Variants in INPP5F observed in about 807,000 individuals in gnomAD.
INPP5F encodes the protein phosphatidylinositide 4-phosphatase SAC2.
Under a neutral mutation model 137.2 loss-of-function variants are expected in INPP5F, and 97 were observed. That is an observed-to-expected ratio of 0.71 (90% confidence interval 0.60 to 0.84). The LOEUF (loss-of-function observed/expected upper bound fraction) is 0.84. INPP5F is among the 40% of genes least tolerant of loss of function. The pLI is 0.00. For missense variants in INPP5F, 1,271 were observed against 1,371.9 expected, an observed-to-expected ratio of 0.93 and a Z score of 1.16; for synonymous variants, 504 against 476.9, an observed-to-expected ratio of 1.06 and a Z score of -0.74.
chr10:119,804,473 T>C (rs1480223542), intron 10 of INPP5F, among the ~76,000 whole-genome samples, 176 bp downstream of exon 10: 3 of 152,236 alleles, frequency 2.0e-5, no homozygotes, highest in African/African-American at 7.2e-5. Context: ...TTATTTTGGC[T>C]AAAATTTAGA....
intron 2 of INPP5F, among the ~76,000 whole-genome samples, chr10:119,761,184 A>G (rs1470986830): frequency 5.3e-5 from 8 of 152,192 alleles, no homozygotes; most frequent in Non-Finnish European, 1.2e-4. Context: ...AGCAGAATAT[A>G]CTTCTAATTG....
At chr10:119,764,650 C>T (rs61227157) in intron 2 of INPP5F, among the ~76,000 whole-genome samples, 1,565 of 150,820 alleles carry the variant, frequency 0.01, 32 homozygotes, top group African/African-American at 0.037. Context: ...GGTGCGACCT[C>T]GGCTCACTGC....
intron 15 of INPP5F, 99 bp from the exon 16 acceptor site, chr10:119,820,747 C>A: frequency 1.1e-6 from 1 of 874,166 alleles, no homozygotes; most frequent in Non-Finnish European, 1.9e-6. Context: ...CTCCCCCTGG[C>A]CAATTTTTTG....
Position 119,827,105 on chromosome 10 carries a change from TAGC to T in INPP5F, c.2729_2731del (p.Ser910del), listed in dbSNP as rs1247968713. The T allele has an allele frequency of 1.2e-5, 20 of 1,614,088 alleles. No individual in the cohort carries two copies. In the Admixed American group the frequency reaches 1.5e-4, roughly 12 times the overall value. ...GATTGGGCAGTCGGTCCCAGTCTCTTAGCAGCACAGATAGTAGCGTTCATGCTC... is the reference window on the plus strand; with the variant it reads ...GATTGGGCAGTCGGTCCCAGTCTCTTAGCACAGATAGTAGCGTTCATGCTC... On this transcript the variant is annotated inframe_deletion, in exon 20 of 20. Coordinates refer to ENST00000650623, the MANE Select transcript of INPP5F (RefSeq NM_014937.4).
At chr10:119,822,350 T>G (rs1001966348) in intron 16 of INPP5F, 81 bp from the exon 17 acceptor site, 1 of 647,504 alleles carries the variant, frequency 1.5e-6, no homozygotes, top group Non-Finnish European at 2.7e-6. Flanking sequence ...ATGTAACAGT[T>G]TGCAGCTATT....
At chr10:119,810,657 A>C (rs1459849341) in intron 14 of INPP5F, among the ~76,000 whole-genome samples, 1 of 152,214 alleles carries the variant, frequency 6.6e-6, no homozygotes, top group African/African-American at 2.4e-5. Flanking sequence ...AGCATGGTTT[A>C]TCAGAATATT....
At chr10:119,826,529 A>G (rs1334773234) in intron 19 of INPP5F, 102 bp from the exon 20 acceptor site, 1 of 924,154 alleles carries the variant, frequency 1.1e-6, no homozygotes, top group Non-Finnish European at 1.7e-6. Context: ...GTTTTCAAGA[A>G]GTTGGGACCA....
chr10:119,785,425 A>AC (rs1849861524), intron 3 of INPP5F, among the ~76,000 whole-genome samples: 1 of 151,650 alleles, frequency 6.6e-6, no homozygotes, highest in South Asian at 2.1e-4. Context: ...AGCTGGGACT[A>AC]CAGGTGCATG....
intron 12 of INPP5F, among the ~76,000 whole-genome samples, chr10:119,807,578 T>G (rs965592097): frequency 6.6e-6 from 1 of 152,222 alleles, no homozygotes; most frequent in East Asian, 1.9e-4. Context: ...GAGTTAACAT[T>G]TACTAGGCAC....
At chr10:119,779,594 A>G (rs1342477246) in intron 2 of INPP5F, among the ~76,000 whole-genome samples, 1 of 151,528 alleles carries the variant, frequency 6.6e-6, no homozygotes, top group Non-Finnish European at 1.5e-5. Context: ...TAATTCTTTA[A>G]TTTTTTGTAG....
intron 6 of INPP5F, among the ~76,000 whole-genome samples, chr10:119,794,603 A>C (rs1487596802): frequency 1.4e-5 from 2 of 146,162 alleles, no homozygotes; most frequent in Non-Finnish European, 1.5e-5. Flanking sequence ...CGGCCGGGCA[A>C]AGGCGCCCCT....
At chr10:119,804,830 G>T (rs1171533601) in intron 10 of INPP5F, among the ~76,000 whole-genome samples, 5 of 151,948 alleles carry the variant, frequency 3.3e-5, no homozygotes, top group African/African-American at 1.2e-4. Flanking sequence ...GGCTTCAAGG[G>T]ATTCTCCTGC....
At position 119,826,874 on chromosome 10, in the gene INPP5F, T is replaced by C. The variant is rs1427256846; in HGVS notation, c.2493T>C (p.Leu831=). ...KVNLWKSDSS[L]ETMENTGVMD... ...ATCTTTGGAAATCAGATAGTAGTCT[T>C]GAAACTATGGAAAACACAGGAGTGA... The change falls in exon 20 of 20, where the codon CTT becomes CTC. Residue 831 remains leucine, a synonymous_variant. Coordinates refer to ENST00000650623, the MANE Select transcript of INPP5F (RefSeq NM_014937.4). 1 of 1,614,092 alleles carries C rather than the reference T, an allele frequency of 6.2e-7. No homozygotes were observed. Among genetic ancestry groups the C allele is most frequent in the Admixed American group, 1.7e-5 (1 of 60,026 alleles).
At chr10:119,809,881 G>A (rs1850960350) in intron 13 of INPP5F, among the ~76,000 whole-genome samples, 1 of 152,206 alleles carries the variant, frequency 6.6e-6, no homozygotes, top group African/African-American at 2.4e-5. Context: ...CCATCTAACT[G>A]TGAAGACTTG....
chr10:119,801,736 T>C (rs1270940146), intron 9 of INPP5F, among the ~76,000 whole-genome samples: 1 of 151,990 alleles, frequency 6.6e-6, no homozygotes, highest in East Asian at 1.9e-4. Flanking sequence ...TGAGACTCTG[T>C]CTCCAAAATA....
intron 19 of INPP5F, chr10:119,825,925 G>T (rs1851740446): frequency 5.0e-6 from 2 of 398,340 alleles, no homozygotes; most frequent in African/African-American, 2.1e-5. Flanking sequence ...GTGGCAAATA[G>T]CATCAACTTT....
chr10:119,726,390 C>T (rs1847890009), intron 1 of INPP5F, 31 bp downstream of exon 1: 3 of 1,240,426 alleles, frequency 2.4e-6, no homozygotes, highest in African/African-American at 1.6e-5. Flanking sequence ...GGGGGGCACC[C>T]CGGGCCAGGG....
chr10:119,742,216 C>T lies in INPP5F; in HGVS notation c.98-8860C>T, dbSNP rs956756500. 7.3e-5 allele frequency among the ~76,000 whole-genome samples: 11 copies of T among 150,688 alleles called. No homozygotes were observed. In the East Asian group the frequency reaches 1.2e-3, roughly 16 times the overall value. ...TGTTGTCCAGGCTGGAGTGCAGTGG[C>T]GCGATCTCAGCTCACTGCAACCTCT... is the stretch of plus-strand genomic sequence containing the variant. On this transcript the variant is annotated intron_variant, in intron 1 of 19. Transcript: ENST00000650623.
intron 15 of INPP5F, among the ~76,000 whole-genome samples, chr10:119,812,811 A>G (rs1341993679): frequency 6.6e-6 from 1 of 152,128 alleles, no homozygotes; most frequent in Non-Finnish European, 1.5e-5. Context: ...CTCACACACA[A>G]CCTAGCAGAA....
Sources: allele counts gnomAD v4.1 joint callset (sites outside exome capture counted in the v4.1 genomes callset), GRCh38; gene constraint gnomAD v4.1.1; transcripts MANE v1.5; gene names NCBI Gene and HGNC (gene_info 2026-07-23, HGNC 2026-07-21).